The following IL33 variants were observed in gnomAD, a reference collection of about 807,000 sequenced individuals.
IL33 encodes the protein interleukin 33.
Under a neutral mutation model 27.3 loss-of-function variants are expected in IL33, and 37 were observed. The observed-to-expected ratio is 1.36, with a 90% confidence interval of 1.04 to 1.78. The LOEUF is 1.78. IL33 is among the 40% of genes most tolerant of loss of function. IL33 has a pLI of 0.00. For missense variants in IL33, 406 were observed against 311.4 expected (o/e 1.30, Z -2.29); for synonymous variants, 132 against 102.9 (o/e 1.28, Z -1.71).
upstream of IL33, among the ~76,000 whole-genome samples, chr9:6,215,371 CAGACG>C (rs749412500): frequency 5.3e-5 from 8 of 152,188 alleles, no homozygotes; most frequent in Non-Finnish European, 1.0e-4. Flanking sequence ...CTTTTATTTG[CAGACG>C]AGCTGCTTAT....
intron 1 of IL33, among the ~76,000 whole-genome samples, chr9:6,217,941 G>T (rs1361721581): frequency 6.8e-6 from 1 of 146,852 alleles, no homozygotes; most frequent in African/African-American, 2.4e-5. Flanking sequence ...CCACACTGGG[G>T]TCCTATACTG....
intron 1 of IL33, among the ~76,000 whole-genome samples, chr9:6,223,360 C>T (rs902370901): frequency 9.9e-5 from 15 of 151,604 alleles, no homozygotes; most frequent in South Asian, 4.2e-4. Flanking sequence ...AGTACTATTA[C>T]TGGTAATCTG....
At chr9:6,250,828 A>G (rs528924064) in intron 3 of IL33, among the ~76,000 whole-genome samples, 16 of 152,308 alleles carry the variant, frequency 1.1e-4, no homozygotes, top group African/African-American at 3.6e-4. Context: ...ATACATAACT[A>G]TGTGTAAATA....
chr9:6,250,720 T>A, intron 3 of IL33, 121 bp downstream of exon 3: 1 of 1,157,906 alleles, frequency 8.6e-7, no homozygotes, highest in Admixed American at 2.6e-5. Flanking sequence ...ATATTAAGAA[T>A]GATGAACTGG....
intron 1 of IL33, among the ~76,000 whole-genome samples, chr9:6,238,588 C>T (rs1042490033): frequency 1.6e-4 from 25 of 152,150 alleles, no homozygotes; most frequent in African/African-American, 2.4e-4. Flanking sequence ...TACCTTCTAA[C>T]GAGTCCTCTA....
intron 1 of IL33, among the ~76,000 whole-genome samples, chr9:6,222,231 G>A (rs2130102866): frequency 6.6e-6 from 1 of 152,298 alleles, no homozygotes; most frequent in South Asian, 2.1e-4. Flanking sequence ...AGTTTTAAAT[G>A]GCTTGTAATA....
At chr9:6,252,088 C>CA (rs1198290349) in intron 4 of IL33, among the ~76,000 whole-genome samples, 1 of 72,398 alleles carries the variant, frequency 1.4e-5, no homozygotes, top group African/African-American at 5.3e-5. Context: ...CAAAACAAAA[C>CA]AAAAAAACCA....
chr9:6,254,527 G>T lies in IL33; in HGVS notation c.586G>T (p.Ala196Ser). The T allele has an allele frequency of 6.3e-7, 1 of 1,592,724 alleles. No homozygotes were observed. Among genetic ancestry groups the T allele is most frequent in the African/African-American group, 1.4e-5 (1 of 74,056 alleles). The change falls in exon 7 of 8, where the codon GCC becomes TCC. Residue 196 changes from alanine (A) to serine (S), a missense_variant. Physicochemically the swap from Ala to Ser is moderately conservative, Grantham distance 99 (BLOSUM62 1). Transcript: ENST00000682010. Reference protein sequence around the residue: ...LSPTKDFWLHANNKEHSVELH... With the variant: ...LSPTKDFWLHSNNKEHSVELH... Reference sequence around the variant, plus strand: ...TCCTACAAAAGACTTCTGGTTGCATGCCAACAACAAGGAACACTCTGTGGA... The same window carrying T: ...TCCTACAAAAGACTTCTGGTTGCATTCCAACAACAAGGAACACTCTGTGGA...
intron 2 of IL33, among the ~76,000 whole-genome samples, chr9:6,242,921 G>A (rs562142487): frequency 6.6e-6 from 1 of 152,342 alleles, no homozygotes; most frequent in East Asian, 1.9e-4. Flanking sequence ...AGGGAAACCA[G>A]TATGTGCAGA....
At chr9:6,247,883 T>G (rs1819956747) in intron 2 of IL33, among the ~76,000 whole-genome samples, 1 of 151,980 alleles carries the variant, frequency 6.6e-6, no homozygotes, top group African/African-American at 2.4e-5. Flanking sequence ...CTTGTCCTAC[T>G]AGATGCTAGC....
chr9:6,251,440 G>T (rs1816351197), intron 4 of IL33, among the ~76,000 whole-genome samples, 175 bp downstream of exon 4: 2 of 152,088 alleles, frequency 1.3e-5, no homozygotes, highest in East Asian at 3.9e-4. Flanking sequence ...GTGCAAGGTA[G>T]CTGTTCTAAT....
chr9:6,235,393 T>C (rs1819144489), intron 1 of IL33, among the ~76,000 whole-genome samples: 1 of 152,194 alleles, frequency 6.6e-6, no homozygotes, highest in African/African-American at 2.4e-5. Context: ...CAAAGATTTA[T>C]GTATAAACTA....
chr9:6,232,767 G>A (rs1430219966), intron 1 of IL33, among the ~76,000 whole-genome samples: 3 of 152,126 alleles, frequency 2.0e-5, no homozygotes, highest in Admixed American at 1.3e-4. Context: ...CTCTGCTGCT[G>A]TCACCCTTGG....
intron 1 of IL33, among the ~76,000 whole-genome samples, chr9:6,219,734 A>C (rs1200347627): frequency 6.6e-6 from 1 of 152,214 alleles, no homozygotes; most frequent in Non-Finnish European, 1.5e-5. Flanking sequence ...GTAATTTATT[A>C]ATCACTGACC....
At chr9:6,218,211 C>T (rs952967389) in intron 1 of IL33, among the ~76,000 whole-genome samples, 3 of 152,146 alleles carry the variant, frequency 2.0e-5, no homozygotes, top group African/African-American at 7.2e-5. Context: ...GATCCTGGAC[C>T]TTCTACCAAT....
At chr9:6,249,548 C>A (rs965258172) in intron 2 of IL33, among the ~76,000 whole-genome samples, 6 of 152,118 alleles carry the variant, frequency 3.9e-5, no homozygotes, top group Non-Finnish European at 2.9e-5. Context: ...TTTTCTTTAG[C>A]AAAATGAAAT....
intron 1 of IL33, among the ~76,000 whole-genome samples, chr9:6,236,647 C>T (rs1476899587): frequency 6.6e-6 from 1 of 152,190 alleles, no homozygotes; most frequent in Non-Finnish European, 1.5e-5. Flanking sequence ...GCAGGAGGAT[C>T]ACTTGCGGTC....
chr9:6,240,472 T>A (rs1444000711), intron 1 of IL33, among the ~76,000 whole-genome samples: 2 of 152,204 alleles, frequency 1.3e-5, no homozygotes, highest in East Asian at 3.8e-4. Context: ...CTTCAGGTTG[T>A]AGGCTTCAGA....
intron 1 of IL33, among the ~76,000 whole-genome samples, chr9:6,231,240 T>A (rs1269715301): frequency 6.6e-6 from 1 of 152,192 alleles, no homozygotes; most frequent in East Asian, 1.9e-4. Flanking sequence ...GGCTTCTCAA[T>A]GCACTCTGAA....
Sources: allele counts gnomAD v4.1 joint callset (sites outside exome capture counted in the v4.1 genomes callset), GRCh38; gene constraint gnomAD v4.1.1; transcripts MANE v1.5; gene names NCBI Gene and HGNC (gene_info 2026-07-23, HGNC 2026-07-21).